The following ZFAND1 variants were observed in gnomAD, a reference collection of about 807,000 sequenced individuals.
The protein encoded by ZFAND1 is AN1-type zinc finger protein 1.
In ZFAND1, 40 loss-of-function variants were observed where a neutral mutation model predicts 38.5. The ratio of observed to expected loss-of-function variants is 1.04; its 90% CI spans 0.81 to 1.35. The LOEUF (loss-of-function observed/expected upper bound fraction) is 1.35, where lower values mean the gene tolerates loss of function less well. ZFAND1 is among the 40% of genes most tolerant of loss of function. The pLI is 0.00. For synonymous variants in ZFAND1, 117 were observed against 103.6 expected (o/e 1.13, Z -0.78); for missense variants, 346 against 316.3 (o/e 1.09, Z -0.71).
intron 6 of ZFAND1, 69 bp from the exon 7 acceptor site, chr8:81,703,193 A>G: frequency 8.8e-7 from 1 of 1,136,792 alleles, no homozygotes; most frequent in Non-Finnish European, 1.2e-6. Flanking sequence ...TCTGGTGCCA[A>G]CCGTTCCTCT....
chr8:81,705,268 T>A (rs1807942458), intron 6 of ZFAND1, among the ~76,000 whole-genome samples: 1 of 152,064 alleles, frequency 6.6e-6, no homozygotes, highest in South Asian at 2.1e-4. Context: ...AGGAAGAACC[T>A]CCTATTCAAG....
intron 6 of ZFAND1, among the ~76,000 whole-genome samples, chr8:81,710,247 G>A (rs910729658): frequency 6.6e-6 from 1 of 152,204 alleles, no homozygotes; most frequent in African/African-American, 2.4e-5. Flanking sequence ...TTTAGGGGAT[G>A]TAAATGGATG....
At chr8:81,703,187 G>T in intron 6 of ZFAND1, 63 bp from the exon 7 acceptor site, 1 of 1,185,658 alleles carries the variant, frequency 8.4e-7, no homozygotes, top group Non-Finnish European at 1.1e-6. Context: ...TTTTTGTCTG[G>T]TGCCAACCGT....
chr8:81,717,921 A>G (rs1808364115), intron 2 of ZFAND1, among the ~76,000 whole-genome samples: 1 of 152,088 alleles, frequency 6.6e-6, no homozygotes, highest in African/African-American at 2.4e-5. Flanking sequence ...CATATTCTTT[A>G]TATTGTGAAT....
intron 5 of ZFAND1, chr8:81,714,360 T>C (rs916618419): frequency 7.8e-6 from 2 of 257,436 alleles, no homozygotes; most frequent in Non-Finnish European, 1.5e-5. Flanking sequence ...ATAAAGGTAC[T>C]ATCCTTAATA....
chr8:81,721,136 C>A lies in ZFAND1; in HGVS notation c.55+91G>T, dbSNP rs1391756673. ...CCTCAGGCCCTGCCCAGCCTTGTGG[C>A]CTCCCTTCACCCGCCGCCACCATCC... is the stretch of plus-strand genomic sequence containing the variant. On this transcript the variant is annotated intron_variant, in intron 1 of 7. Transcript: ENST00000220669. 2.7e-6 allele frequency: 4 copies of A among 1,485,470 alleles called. No homozygotes were observed. The East Asian group carries it at 9.8e-5, about 37-fold the overall frequency. 92.0% of individuals were successfully genotyped at this position (1,485,470 alleles called of 1,614,324 possible).
intron 6 of ZFAND1, among the ~76,000 whole-genome samples, chr8:81,705,554 T>TA (rs933745927): frequency 1.4e-4 from 22 of 152,144 alleles, no homozygotes; most frequent in African/African-American, 5.1e-4. Context: ...TAATCCTCAA[T>TA]AAAAAGGCCT....
intron 1 of ZFAND1, among the ~76,000 whole-genome samples, chr8:81,720,563 G>C (rs1344009138): frequency 6.6e-6 from 1 of 152,180 alleles, no homozygotes; most frequent in Non-Finnish European, 1.5e-5. Context: ...TTTGATAAAA[G>C]CTAAGGAAGG....
rs145822915 is a variant in ZFAND1 at position 81,702,541 on chromosome 8, T to C, written c.*154A>G. ...AATTAAACTTAAAACCAAAAAACTC[T>C]AATAGAAAACTCATAATTTAAAATG... On this transcript the variant is annotated 3_prime_UTR_variant, in exon 8 of 8. Transcript: ENST00000220669. The C allele has an allele frequency of 1.3e-3, 786 of 605,056 alleles. 6 individuals are homozygous for C. In the African/African-American group the frequency reaches 0.014, roughly 11 times the overall value. 37.5% of individuals were successfully genotyped at this position (605,056 alleles called of 1,614,324 possible).
At chr8:81,702,936 TAA>T in intron 7 of ZFAND1, 31 bp downstream of exon 7, 1 of 1,498,650 alleles carries the variant, frequency 6.7e-7, no homozygotes, top group South Asian at 1.4e-5. Context: ...AAACCTTTAT[TAA>T]TATAGAAATA....
At chr8:81,718,902 C>G (rs1808389508) in intron 1 of ZFAND1, among the ~76,000 whole-genome samples, 1 of 151,502 alleles carries the variant, frequency 6.6e-6, no homozygotes, top group Non-Finnish European at 1.5e-5. Context: ...AAAACCAAAG[C>G]TCTTTTATTG....
intron 7 of ZFAND1, 30 bp downstream of exon 7, chr8:81,702,939 T>C (rs778797405): frequency 1.3e-5 from 19 of 1,492,068 alleles, no homozygotes; most frequent in Middle Eastern, 3.7e-4. Flanking sequence ...CCTTTATTAA[T>C]ATAGAAATAT....
intron 6 of ZFAND1, 114 bp from the exon 7 acceptor site, chr8:81,703,238 T>A (rs887454916): frequency 7.3e-5 from 49 of 669,226 alleles, no homozygotes; most frequent in Non-Finnish European, 1.1e-4. Flanking sequence ...TCTAACAAGG[T>A]ATCTGCTACT....
At chr8:81,712,442 C>CA (rs1408907496) in intron 6 of ZFAND1, among the ~76,000 whole-genome samples, 1 of 151,888 alleles carries the variant, frequency 6.6e-6, no homozygotes, top group Non-Finnish European at 1.5e-5. Flanking sequence ...AAAAAACTCA[C>CA]AAAAATTGGC....
At position 81,714,049 on chromosome 8, in the gene ZFAND1, G is replaced by T. The variant is rs753764480; in HGVS notation, c.359-10C>A. On this transcript the variant is annotated splice_polypyrimidine_tract_variant and intron_variant, in intron 5 of 7. Transcript: ENST00000220669. ...TCTCCTGTCTTGGAATCTAAGAAGT[G>T]TAAGCATGTAATCACATAAAACTTT... 3 of 1,590,630 alleles carry T rather than the reference G, an allele frequency of 1.9e-6. No individual in the cohort carries two copies. In the African/African-American group the frequency reaches 4.1e-5, roughly 22 times the overall value.
intron 6 of ZFAND1, among the ~76,000 whole-genome samples, chr8:81,710,550 G>A (rs1808111819): frequency 6.6e-6 from 1 of 151,718 alleles, no homozygotes; most frequent in Non-Finnish European, 1.5e-5. Context: ...AACAAGAAAG[G>A]ATTCAATTCA....
At chr8:81,711,366 C>T (rs559206744) in intron 6 of ZFAND1, among the ~76,000 whole-genome samples, 10 of 152,086 alleles carry the variant, frequency 6.6e-5, no homozygotes, top group Non-Finnish European at 1.3e-4. Context: ...GAGCTGAGAT[C>T]GCACGACTGC....
chr8:81,711,374 T>G (rs541614257), intron 6 of ZFAND1, among the ~76,000 whole-genome samples: 8 of 152,136 alleles, frequency 5.3e-5, no homozygotes, highest in African/African-American at 1.4e-4. Flanking sequence ...ATCGCACGAC[T>G]GCACTCCAGC....
chr8:81,713,850 G>C, intron 6 of ZFAND1, 68 bp downstream of exon 6: 1 of 1,482,434 alleles, frequency 6.7e-7, no homozygotes, highest in Non-Finnish European at 9.4e-7. Context: ...TTGATGGGAA[G>C]GAGGAATACA....
Sources: gnomAD v4.1 joint callset for allele counts (sites outside exome capture counted in the v4.1 genomes callset) on GRCh38, gnomAD v4.1.1 for gene constraint, MANE v1.5 for transcripts, NCBI Gene and HGNC (gene_info 2026-07-23, HGNC 2026-07-21) for gene names.